Variants in GPAT4 observed in about 807,000 individuals in gnomAD.
GPAT4 encodes 1-AGP acyltransferase 6.
Under a neutral mutation model 58.0 loss-of-function variants are expected in GPAT4, and 17 were observed. That is an observed-to-expected ratio of 0.29 (90% CI 0.20 to 0.44). The LOEUF is 0.44. Ranked by LOEUF, GPAT4 falls within the 20% of genes least tolerant of loss-of-function variation. The probability of loss-of-function intolerance (pLI) is 1.00; values close to 1 mark genes in which losing one functional copy is unlikely to be tolerated. For missense variants in GPAT4, 377 were observed against 574.5 expected, an observed-to-expected ratio of 0.66 and a Z score of 3.51; for synonymous variants, 204 against 210.1, an observed-to-expected ratio of 0.97 and a Z score of 0.25.
chr8:41,605,111 G>A (rs1162067731), intron 2 of GPAT4, among the ~76,000 whole-genome samples: 1 of 152,184 alleles, frequency 6.6e-6, no homozygotes, highest in African/African-American at 2.4e-5. Flanking sequence ...CCTTGATGGA[G>A]AAAAATATTG....
At chr8:41,595,691 CTCTT>C (rs201623831) in intron 1 of GPAT4, among the ~76,000 whole-genome samples, 1,845 of 152,082 alleles carry the variant, frequency 0.012, 11 homozygotes, top group Non-Finnish European at 0.02. Context: ...ACTTGTATAT[CTCTT>C]TCTTTCTCTC....
intron 1 of GPAT4, among the ~76,000 whole-genome samples, chr8:41,579,136 CA>C (rs1347703560): frequency 6.6e-6 from 1 of 152,222 alleles, no homozygotes; most frequent in Non-Finnish European, 1.5e-5. Flanking sequence ...CCAAAGTCTC[CA>C]GACAAAATCC....
intron 1 of GPAT4, among the ~76,000 whole-genome samples, chr8:41,585,254 A>G (rs925589945): frequency 3.9e-5 from 6 of 152,188 alleles, no homozygotes; most frequent in Admixed American, 3.9e-4. Context: ...GTAAACTAGG[A>G]GAAATGGATG....
intron 1 of GPAT4, among the ~76,000 whole-genome samples, chr8:41,579,868 A>C (rs1425856401): frequency 6.6e-6 from 1 of 152,020 alleles, no homozygotes; most frequent in Non-Finnish European, 1.5e-5. Flanking sequence ...AAAGTGTTTC[A>C]GATCTGGATG....
rs1166503660 is a variant in GPAT4, at chr8:41,609,464, C to T, written c.214C>T (p.Leu72Phe). 3 of 1,614,024 alleles carry T rather than the reference C, an allele frequency of 1.9e-6. No individual in the cohort carries two copies. Among genetic ancestry groups the T allele is most frequent in the Non-Finnish European group, 2.5e-6 (3 of 1,180,022 alleles). ...ERGAKEKNHQ[L>F]YKPYTNGIIA... Reference sequence around the variant, plus strand: ...AGGAGCCAAGGAGAAGAACCACCAGCTTTACAAGCCCTACACCAACGGTAA... The same window carrying T: ...AGGAGCCAAGGAGAAGAACCACCAGTTTTACAAGCCCTACACCAACGGTAA... Residue 72 changes from leucine (L) to phenylalanine (F), a missense_variant, in exon 3 of 13, where the codon CTT (leucine) becomes TTT (phenylalanine). By Grantham distance (22) the Leu-to-Phe change is conservative. Transcript: ENST00000396987.
chr8:41,610,939 A>G, intron 5 of GPAT4, 129 bp downstream of exon 5: 1 of 961,586 alleles, frequency 1.0e-6, no homozygotes, highest in Non-Finnish European at 1.5e-6. Context: ...TAAATAACCC[A>G]GTGGTGGCCA....
chr8:41,589,360 CG>C (rs1802732418), intron 1 of GPAT4, among the ~76,000 whole-genome samples: 2 of 95,186 alleles, frequency 2.1e-5, no homozygotes, highest in East Asian at 6.0e-4. Flanking sequence ...TGGGGTGTGG[CG>C]GGATGGGATG....
At chr8:41,600,379 G>A (rs367918729) in intron 2 of GPAT4, among the ~76,000 whole-genome samples, 13 of 151,956 alleles carry the variant, frequency 8.6e-5, no homozygotes, top group African/African-American at 2.9e-4. Context: ...AACTTTTATC[G>A]TTTTTCTTTG....
chr8:41,619,899 C>T (rs1161567754), intron 12 of GPAT4, among the ~76,000 whole-genome samples: 1 of 152,164 alleles, frequency 6.6e-6, no homozygotes, highest in African/African-American at 2.4e-5. Flanking sequence ...GCTGCTGGGG[C>T]CCTGTGTGAT....
At chr8:41,617,536 G>A (rs964740929) in intron 10 of GPAT4, among the ~76,000 whole-genome samples, 14 of 152,132 alleles carry the variant, frequency 9.2e-5, no homozygotes, top group African/African-American at 3.4e-4. Flanking sequence ...TTAAGCCTAA[G>A]TTATCTTCAT....
At chr8:41,612,408 G>C (rs945882096) in intron 7 of GPAT4, 135 bp downstream of exon 7, 1 of 842,344 alleles carries the variant, frequency 1.2e-6, no homozygotes, top group Admixed American at 2.6e-5. Context: ...CACTGTGGGG[G>C]CTCTGTGGGA....
At chr8:41,583,087 G>C (rs79217142) in intron 1 of GPAT4, among the ~76,000 whole-genome samples, 2 of 152,040 alleles carry the variant, frequency 1.3e-5, no homozygotes, top group African/African-American at 2.4e-5. Context: ...CTAGCCGGCT[G>C]TGGTGGCCTG....
rs544825678 is a variant in GPAT4 at position 41,586,441 on chromosome 8, T to C, written c.-849+8163T>C. ...CTTGGGTATGTACTTAGGAGTAGAATTGCGAGGTACATGGTAACTTTGTTT... is the reference window on the plus strand; with the variant it reads ...CTTGGGTATGTACTTAGGAGTAGAACTGCGAGGTACATGGTAACTTTGTTT... On this transcript the variant is annotated intron_variant, in intron 1 of 12. Transcript: ENST00000396987. 1.4e-4 allele frequency among the ~76,000 whole-genome samples: 21 copies of C among 152,340 alleles called. No homozygotes were observed. The South Asian group carries it at 4.1e-3, about 30-fold the overall frequency.
chr8:41,619,112 G>A (rs910714541), intron 12 of GPAT4, 135 bp downstream of exon 12: 27 of 1,095,072 alleles, frequency 2.5e-5, no homozygotes, highest in South Asian at 2.2e-4. Context: ...GACTCTCCCC[G>A]AATTCCAACC....
intron 8 of GPAT4, among the ~76,000 whole-genome samples, chr8:41,613,866 T>C (rs1803517731): frequency 6.6e-6 from 1 of 151,630 alleles, no homozygotes; most frequent in Admixed American, 6.6e-5. Context: ...CAGTGAGCTA[T>C]GATTGCACCA....
intron 4 of GPAT4, chr8:41,610,322 G>A: frequency 2.5e-6 from 3 of 1,221,386 alleles, no homozygotes; most frequent in Non-Finnish European, 3.1e-6. Flanking sequence ...TCTGCACCAT[G>A]TGCTGCTCTG....
At chr8:41,595,828 C>T (rs1292637440) in intron 1 of GPAT4, among the ~76,000 whole-genome samples, 1 of 151,780 alleles carries the variant, frequency 6.6e-6, no homozygotes, top group East Asian at 1.9e-4. Context: ...TCCTCTTTTC[C>T]TCTCTGTCTC....
chr8:41,615,539 A>T (rs1258806969), intron 10 of GPAT4, among the ~76,000 whole-genome samples: 7 of 152,080 alleles, frequency 4.6e-5, no homozygotes, highest in Admixed American at 2.6e-4. Context: ...ACAGCTCCTA[A>T]CAATGAGATG....
chr8:41,611,761 C>T, intron 5 of GPAT4, 142 bp from the exon 6 acceptor site: 4 of 655,764 alleles, frequency 6.1e-6, no homozygotes, highest in Non-Finnish European at 1.1e-5. Flanking sequence ...GGTGCTCATG[C>T]ATCACAGGAC....
Sources: allele counts gnomAD v4.1 joint callset (sites outside exome capture counted in the v4.1 genomes callset), GRCh38; gene constraint gnomAD v4.1.1; transcripts MANE v1.5; gene names NCBI Gene and HGNC (gene_info 2026-07-23, HGNC 2026-07-21).